Variants in ZNF737 observed in about 807,000 individuals in gnomAD.
ZNF737 encodes the protein zinc finger protein 102 (Y3).
A neutral mutation model predicts 11.7 loss-of-function variants in ZNF737; 13 were observed. That is an observed-to-expected ratio of 1.11 (90% confidence interval 0.73 to 1.77). The LOEUF (loss-of-function observed/expected upper bound fraction) is 1.77, where lower values mean the gene tolerates loss of function less well. Ranked by LOEUF, ZNF737 falls within the 40% of genes most tolerant of loss-of-function variation. The pLI is 0.00. For missense variants in ZNF737, 636 were observed against 638.0 expected, an observed-to-expected ratio of 1.00 and a Z score of 0.03; for synonymous variants, 217 against 216.2, an observed-to-expected ratio of 1.00 and a Z score of -0.03.
Position 20,543,734 on chromosome 19 carries a change from T to C in ZNF737, c.*858A>G, listed in dbSNP as rs1968312983. The C allele has an allele frequency of 1.0e-6, 1 of 985,394 alleles. No homozygotes were observed. The highest frequency in any genetic ancestry group is 1.2e-6 in the Non-Finnish European group (1 of 829,888). The allele number at this position is 985,394 out of a possible 1,614,324, so 61.0% of individuals were successfully genotyped here. A position where few individuals can be genotyped will look rare whatever the true frequency, so the allele number is the denominator to read the frequency against. ...GGTTTCACACTAGTATAATTATTGT[T>C]ATGTGTAGAGAAGTTGGAGGTGTTC... On this transcript the variant is annotated 3_prime_UTR_variant, in exon 4 of 4. Transcript: ENST00000427401.
intron 1 of ZNF737, among the ~76,000 whole-genome samples, chr19:20,561,599 A>G (rs1969098294): frequency 6.6e-6 from 1 of 152,050 alleles, no homozygotes; most frequent in Non-Finnish European, 1.5e-5. Context: ...ATTCCAGGCC[A>G]GACTTCTGTG....
chr19:20,539,225 G>A lies in ZNF737; in HGVS notation c.*5367C>T. The A allele has an allele frequency of 1.2e-6, 1 of 805,650 alleles. No individual in the cohort carries two copies. Among genetic ancestry groups the A allele is most frequent in the African/African-American group, 1.9e-5 (1 of 53,602 alleles). 49.9% of individuals were successfully genotyped at this position (805,650 alleles called of 1,614,324 possible). ...GAATCACTTGAACCAGGGAGGTGGA[G>A]GTTGCAGTGAGCTGAGCACGTACCA... On this transcript the variant is annotated 3_prime_UTR_variant, in exon 4 of 4. Coordinates refer to ENST00000427401, the MANE Select transcript of ZNF737 (RefSeq NM_001159293.2).
At chr19:20,561,929 C>T (rs1210688534) in intron 1 of ZNF737, among the ~76,000 whole-genome samples, 1 of 152,126 alleles carries the variant, frequency 6.6e-6, no homozygotes, top group African/African-American at 2.4e-5. Flanking sequence ...AGATGCAGCC[C>T]AGGAAAAGCC....
downstream of ZNF737, among the ~76,000 whole-genome samples, chr19:20,537,631 C>T (rs759336600): frequency 4.1e-5 from 6 of 146,060 alleles, no homozygotes; most frequent in Non-Finnish European, 8.9e-5. Flanking sequence ...ATTCTTCTGC[C>T]TCAGCCTCCC....
chr19:20,547,242 A>G (rs1968485819), intron 3 of ZNF737, among the ~76,000 whole-genome samples: 1 of 151,976 alleles, frequency 6.6e-6, no homozygotes, highest in Admixed American at 6.6e-5. Context: ...TTAGCCGGGC[A>G]TGGTAGCAGG....
In ZNF737 at chr19:20,540,110, G is replaced by C. The variant is rs369836931; in HGVS notation, c.*4482C>G. ...TATGTTCCTTACTGGAAGCAACATG[G>C]AGGAGGCAGAAATGATGGCAAGATA... On this transcript the variant is annotated 3_prime_UTR_variant, in exon 4 of 4. Transcript: ENST00000427401. 1.4e-5 allele frequency: 14 copies of C among 985,220 alleles called. No individual in the cohort carries two copies. The African/African-American group carries it at 1.7e-4, about 12-fold the overall frequency. The allele number at this position is 985,220 out of a possible 1,614,324, so 61.0% of individuals were successfully genotyped here.
chr19:20,556,283 G>A (rs1239133716), intron 1 of ZNF737, among the ~76,000 whole-genome samples: 2 of 151,766 alleles, frequency 1.3e-5, no homozygotes, highest in Admixed American at 6.6e-5. Context: ...AAGGCCCTTC[G>A]TTAAAACAAC....
intron 1 of ZNF737, among the ~76,000 whole-genome samples, chr19:20,563,551 T>C (rs1486020305): frequency 1.3e-5 from 2 of 151,424 alleles, no homozygotes; most frequent in African/African-American, 4.8e-5. Context: ...AATGGCATGA[T>C]CTTGGCTCAC....
rs73924692 is a variant in ZNF737 at position 20,549,330 on chromosome 19, T to A, written c.226+3145A>T. ...AACCAAAACACCCAATAAACTAATC[T>A]TAAGAAACCTACACTGAGGCCAGAG... On this transcript the variant is annotated intron_variant, in intron 3 of 3. Coordinates refer to ENST00000427401, the MANE Select transcript of ZNF737 (RefSeq NM_001159293.2). Among the ~76,000 whole-genome samples the A allele has an allele frequency of 8.1e-3, 1,228 of 152,208 alleles. 19 individuals are homozygous for A. The highest frequency in any genetic ancestry group is 0.028 in the African/African-American group (1,173 of 41,538).
At chr19:20,531,696 G>T (rs1468566574), downstream of ZNF737, among the ~76,000 whole-genome samples, 7 of 149,796 alleles carry the variant, frequency 4.7e-5, no homozygotes, top group Admixed American at 4.7e-4. Flanking sequence ...GACCTCAGGT[G>T]ATCCACCTGC....
Position 20,541,079 on chromosome 19 carries a change from T to A in ZNF737, c.*3513A>T. The A allele has an allele frequency of 1.0e-6, 1 of 985,362 alleles. No homozygotes were observed. Among genetic ancestry groups the A allele is most frequent in the Non-Finnish European group, 1.2e-6 (1 of 829,874 alleles). 61.0% of individuals were successfully genotyped at this position (985,362 alleles called of 1,614,324 possible). A position where few individuals can be genotyped will look rare whatever the true frequency, so the allele number is the denominator to read the frequency against. ...GTTGCCTGTGCTTTAATAGGCAGAC[T>A]CTGGGGAGAATCCGAATCACAGGCC... On this transcript the variant is annotated 3_prime_UTR_variant, in exon 4 of 4. Coordinates refer to ENST00000427401, the MANE Select transcript of ZNF737 (RefSeq NM_001159293.2).
intron 1 of ZNF737, among the ~76,000 whole-genome samples, chr19:20,563,128 C>G (rs554428007): frequency 2.8e-3 from 103 of 36,152 alleles, no homozygotes; most frequent in African/African-American, 9.8e-3. Flanking sequence ...TAGAAAGTGC[C>G]ACAAAACATA....
chr19:20,531,044 A>G (rs1967812784), downstream of ZNF737, among the ~76,000 whole-genome samples: 1 of 146,842 alleles, frequency 6.8e-6, no homozygotes, highest in East Asian at 2.1e-4. Context: ...CGGCCAACAC[A>G]GCAAAACCCC....
rs368041422 is a variant in ZNF737 at position 20,552,547 on chromosome 19, G to A, written c.154C>T (p.Leu52Phe). 3 of 1,587,516 alleles carry A rather than the reference G, an allele frequency of 1.9e-6. No homozygotes were observed. In the East Asian group the frequency reaches 6.8e-5, roughly 36 times the overall value. Reference sequence around the variant, plus strand: ...TTTCCTTGCTCCAGACAGGTGATGAGGTCTGGCTTAGAGACAACAATACCT... The same window carrying A: ...TTTCCTTGCTCCAGACAGGTGATGAAGTCTGGCTTAGAGACAACAATACCT... ...FLGIVVSKPD[L>F]ITCLEQGKKP... is the part of the protein sequence containing the mutation. Residue 52 changes from leucine (L) to phenylalanine (F), a missense_variant, in exon 3 of 4, where the codon CTC becomes TTC. Coordinates refer to ENST00000427401, the MANE Select transcript of ZNF737 (RefSeq NM_001159293.2).
Position 20,538,658 on chromosome 19 carries a change from C to A in ZNF737, c.*5934G>T, listed in dbSNP as rs1476019576. Reference sequence around the variant, plus strand: ...AACATTTCTAAAACCATTATGGACCCTGAGTAATTCAGGGGGAATTGGTAT... The same window carrying A: ...AACATTTCTAAAACCATTATGGACCATGAGTAATTCAGGGGGAATTGGTAT... On this transcript the variant is annotated 3_prime_UTR_variant, in exon 4 of 4. Transcript: ENST00000427401. 5 of 985,102 alleles carry A rather than the reference C, an allele frequency of 5.1e-6. No homozygotes were observed. The African/African-American group carries it at 8.7e-5, about 17-fold the overall frequency. The allele number at this position is 985,102 out of a possible 1,614,324, so 61.0% of individuals were successfully genotyped here.
At chr19:20,533,126 A>G (rs782192082), downstream of ZNF737, among the ~76,000 whole-genome samples, 4 of 150,208 alleles carry the variant, frequency 2.7e-5, no homozygotes, top group Non-Finnish European at 4.4e-5. Flanking sequence ...CAATCCTGAC[A>G]TGGCAGTAAA....
intron 1 of ZNF737, among the ~76,000 whole-genome samples, chr19:20,554,183 C>A (rs1354920310): frequency 6.6e-6 from 1 of 152,014 alleles, no homozygotes. Flanking sequence ...TTAGAAGGCA[C>A]CTCTAAAATT....
In ZNF737 at chr19:20,541,255, A is replaced by G. The variant is rs1968193435; in HGVS notation, c.*3337T>C. On this transcript the variant is annotated 3_prime_UTR_variant, in exon 4 of 4. Coordinates refer to ENST00000427401, the MANE Select transcript of ZNF737 (RefSeq NM_001159293.2). ...TTATTCTGAAAATATGTACAAACCT[A>G]TACTCACACAAAAACACTCAATTCA... is the stretch of plus-strand genomic sequence containing the variant. The G allele has an allele frequency of 4.1e-6, 4 of 984,466 alleles. No individual in the cohort carries two copies. In the South Asian group the frequency reaches 1.4e-4, roughly 35 times the overall value. The allele number at this position is 984,466 out of a possible 1,614,324, so 61.0% of individuals were successfully genotyped here.
rs1555756313 is a variant in ZNF737 at position 20,544,959 on chromosome 19, T to C, written c.1244A>G (p.His415Arg). The change falls in exon 4 of 4, where the codon CAT (histidine) becomes CGT (arginine). Residue 415 changes from histidine to arginine, a missense_variant. By Grantham distance (29) the His-to-Arg change is conservative. Transcript: ENST00000427401. ...TTGCTGTCCAGTATGGATTATCTTA[T>C]GTGTAGTAAGGGAAGAGGAGTACTT... ...AFKYSSSLTT[H>R]KIIHTGQQPF... The C allele has an allele frequency of 6.2e-7, 1 of 1,613,226 alleles. No individual in the cohort carries two copies. The highest frequency in any genetic ancestry group is 2.2e-5 in the East Asian group (1 of 44,826).
Sources: gnomAD v4.1 joint callset for allele counts (sites outside exome capture counted in the v4.1 genomes callset) on GRCh38, gnomAD v4.1.1 for gene constraint, MANE v1.5 for transcripts, NCBI Gene and HGNC (gene_info 2026-07-23, HGNC 2026-07-21) for gene names.